CEACAM21: variants seen among roughly 807,000 people sequenced by gnomAD.
The protein encoded by CEACAM21 is cell adhesion molecule CEACAM21.
In CEACAM21, 38 loss-of-function variants were observed where a neutral mutation model predicts 33.2. That is an observed-to-expected ratio of 1.14 (90% CI 0.88 to 1.50). CEACAM21 has a LOEUF of 1.50. Among genes scored for constraint, CEACAM21 ranks in the 40% most tolerant of loss-of-function variants. The probability of loss-of-function intolerance (pLI) is 0.00; values close to 1 mark genes in which losing one functional copy is unlikely to be tolerated. For missense variants in CEACAM21, 385 were observed against 364.6 expected, an observed-to-expected ratio of 1.06 and a Z score of -0.46; for synonymous variants, 156 against 143.0, an observed-to-expected ratio of 1.09 and a Z score of -0.65.
intron 4 of CEACAM21, 25 bp from the exon 5 acceptor site, chr19:41,585,418 C>T: frequency 6.2e-7 from 1 of 1,613,528 alleles, no homozygotes; most frequent in South Asian, 1.1e-5. Flanking sequence ...CTTGCACCTT[C>T]ACAAATAACC....
chr19:41,558,048 C>T (rs1166594128), intron 1 of CEACAM21, among the ~76,000 whole-genome samples: 1 of 152,188 alleles, frequency 6.6e-6, no homozygotes, highest in African/African-American at 2.4e-5. Flanking sequence ...GAAATGGGGC[C>T]TATTTTCAGG....
chr19:41,577,537 A>G lies in CEACAM21; in HGVS notation c.402A>G (p.Ala134=), dbSNP rs782689835. 2.5e-6 allele frequency: 4 copies of G among 1,613,890 alleles called. No individual in the cohort carries two copies. Among genetic ancestry groups the G allele is most frequent in the Admixed American group, 1.7e-5 (1 of 59,996 alleles). The change falls in exon 2 of 7, where the codon GCA becomes GCG. Residue 134 remains alanine (A), a synonymous_variant. Transcript: ENST00000401445. ...VTYRNSQIEQ[A]SHHLRVYESV... ...ACAGAAATTCTCAGATTGAACAGGCATCTCACCATCTCCGTGTATACGGTG... is the reference window on the plus strand; with the variant it reads ...ACAGAAATTCTCAGATTGAACAGGCGTCTCACCATCTCCGTGTATACGGTG...
chr19:41,568,552 C>G (rs904410568), intron 2 of CEACAM21, among the ~76,000 whole-genome samples: 1 of 152,168 alleles, frequency 6.6e-6, no homozygotes, highest in Admixed American at 6.5e-5. Context: ...TGTCCTTTCC[C>G]CATTGTGTGC....
rs567084634 is a variant in CEACAM21 at position 41,577,205 on chromosome 19, C to A, written c.70C>A (p.Leu24Ile). ...ATATTCTCTCCCTTTCCTAGCCTCA[C>A]TTTTAACTTTCTGGAACGCACCCAC... ...PWQGLLLTAS[L>I]LTFWNAPTTA... is the part of the protein sequence containing the mutation. The change falls in exon 2 of 7, where the codon CTT becomes ATT. Residue 24 changes from leucine to isoleucine, a missense_variant. Physicochemically the swap from Leu to Ile is conservative, Grantham distance 5. Coordinates refer to ENST00000401445, the MANE Select transcript of CEACAM21 (RefSeq NM_001098506.4). The A allele has an allele frequency of 5.1e-4, 828 of 1,614,048 alleles. 12 individuals are homozygous for A. In the South Asian group the frequency reaches 8.5e-3, roughly 17 times the overall value.
At chr19:41,575,263 T>C (rs538591640), upstream of CEACAM21, among the ~76,000 whole-genome samples, 1 of 152,326 alleles carries the variant, frequency 6.6e-6, no homozygotes, top group South Asian at 2.1e-4. Flanking sequence ...AAAATTATGG[T>C]GATGGTTGTA....
chr19:41,558,081 T>C (rs2041648014), intron 1 of CEACAM21, among the ~76,000 whole-genome samples: 1 of 152,184 alleles, frequency 6.6e-6, no homozygotes, highest in Non-Finnish European at 1.5e-5. Flanking sequence ...CTACAGAAAA[T>C]GTGCCATTTT....
chr19:41,586,198 G>T, intron 6 of CEACAM21: 1 of 568,848 alleles, frequency 1.8e-6, no homozygotes. Context: ...TCTATGAGGT[G>T]AGTGGGGGCC....
chr19:41,576,291 C>A lies in CEACAM21; in HGVS notation c.17C>A (p.Ala6Asp). ...GCAGAGACCATGGGGCCCCCCTCAG[C>A]TTGTCCCCACAGAGAATGCATCCCC... MGPPS[A>D]CPHRECIPWQ... The change falls in exon 1 of 7, where the codon GCT becomes GAT. Residue 6 changes from alanine (A) to aspartate (D), a missense_variant. Transcript: ENST00000401445. 1 of 1,613,514 alleles carries A rather than the reference C, an allele frequency of 6.2e-7. No individual in the cohort carries two copies. Among genetic ancestry groups the A allele is most frequent in the Non-Finnish European group, 8.5e-7 (1 of 1,179,650 alleles).
intron 1 of CEACAM21, among the ~76,000 whole-genome samples, chr19:41,561,120 T>C (rs1555786737): frequency 6.6e-6 from 1 of 152,174 alleles, no homozygotes; most frequent in Non-Finnish European, 1.5e-5. Context: ...GATATAAAAA[T>C]CCATATATGA....
At chr19:41,568,293 TC>T (rs1296514146) in intron 2 of CEACAM21, among the ~76,000 whole-genome samples, 2 of 152,132 alleles carry the variant, frequency 1.3e-5, no homozygotes, top group African/African-American at 4.8e-5. Context: ...TTTGATGAAA[TC>T]CCGTTTGTTT....
chr19:41,550,009 C>T (rs2041122777), intron 1 of CEACAM21: 3 of 152,106 alleles, frequency 2.0e-5, no homozygotes, highest in Middle Eastern at 3.2e-3. Flanking sequence ...AACAAATTTC[C>T]TCCCACAGCA....
At chr19:41,569,491 C>G (rs1555788953) in intron 2 of CEACAM21, among the ~76,000 whole-genome samples, 1 of 152,124 alleles carries the variant, frequency 6.6e-6, no homozygotes, top group African/African-American at 2.4e-5. Context: ...GTTGGGATTA[C>G]AGCTGAGATG....
intron 1 of CEACAM21, among the ~76,000 whole-genome samples, 166 bp downstream of exon 1, chr19:41,576,504 C>A (rs1248737625): frequency 2.7e-5 from 4 of 148,966 alleles, no homozygotes; most frequent in Non-Finnish European, 4.5e-5. Flanking sequence ...CTGGAATTGC[C>A]AAGGGGCAAA....
In CEACAM21 at chr19:41,576,198, C is replaced by T; in HGVS notation, c.-77C>T. 3 of 1,537,926 alleles carry T rather than the reference C, an allele frequency of 2.0e-6. No individual in the cohort carries two copies. The highest frequency in any genetic ancestry group is 2.7e-6 in the Non-Finnish European group (3 of 1,114,710). Reference sequence around the variant, plus strand: ...AAGGAAGGACAGCAGAGACAACAGTCACAGTAACCCTGTCTAGAGCGTTCC... The same window carrying T: ...AAGGAAGGACAGCAGAGACAACAGTTACAGTAACCCTGTCTAGAGCGTTCC... On this transcript the variant is annotated 5_prime_UTR_variant, in exon 1 of 7. Transcript: ENST00000401445.
chr19:41,580,790 C>T (rs905761974), intron 3 of CEACAM21, among the ~76,000 whole-genome samples: 4 of 152,160 alleles, frequency 2.6e-5, no homozygotes, highest in Non-Finnish European at 4.4e-5. Context: ...TTAATTGATT[C>T]AATCATTGGC....
chr19:41,571,765 T>G (rs1395758869), upstream of CEACAM21, among the ~76,000 whole-genome samples: 1 of 152,224 alleles, frequency 6.6e-6, no homozygotes, highest in Non-Finnish European at 1.5e-5. Flanking sequence ...GACAGTGCCC[T>G]GCTGCCCCAG....
chr19:41,580,269 A>G (rs1371871255), intron 3 of CEACAM21, among the ~76,000 whole-genome samples: 1 of 151,934 alleles, frequency 6.6e-6, no homozygotes, highest in Non-Finnish European at 1.5e-5. Flanking sequence ...ACTCCACAAT[A>G]ACAATCATCA....
In CEACAM21 at chr19:41,579,621, T is replaced by C; in HGVS notation, c.693T>C (p.Thr231=). 6.5e-7 allele frequency: 1 copy of C among 1,550,300 alleles called. No homozygotes were observed. Among genetic ancestry groups the C allele is most frequent in the Non-Finnish European group, 8.7e-7 (1 of 1,144,776 alleles). ...ACAGGAGCGACCCCCTCAAGCTGAC[T>C]GTAAAATGTGAGTGACCCTCGGCCC... ...SSNRSDPLKL[T]VKSDDNTLGI... The change falls in exon 3 of 7, where the codon ACT becomes ACC. Residue 231 remains threonine, a synonymous_variant. Transcript: ENST00000401445.
chr19:41,569,559 A>T (rs1426308998), intron 2 of CEACAM21, among the ~76,000 whole-genome samples: 1 of 151,962 alleles, frequency 6.6e-6, no homozygotes. Context: ...GCCTGCAGGG[A>T]GAGGGGCTGC....
Sources: allele counts gnomAD v4.1 joint callset (sites outside exome capture counted in the v4.1 genomes callset), GRCh38; gene constraint gnomAD v4.1.1; transcripts MANE v1.5; gene names NCBI Gene and HGNC (gene_info 2026-07-23, HGNC 2026-07-21).